CLDN20: variants seen among roughly 807,000 people sequenced by gnomAD.
The protein encoded by CLDN20 is claudin-20.
For missense variants in CLDN20, 258 were observed against 267.9 expected (o/e 0.96, Z 0.26); for synonymous variants, 104 against 103.6 (o/e 1.00, Z -0.03).
chr6:155,272,994 G>C (rs1048528491), intron 1 of CLDN20, among the ~76,000 whole-genome samples: 4 of 152,164 alleles, frequency 2.6e-5, no homozygotes, highest in African/African-American at 9.7e-5. Context: ...GAGAGGGAGA[G>C]AGAAAAGTGA....
intron 1 of CLDN20, among the ~76,000 whole-genome samples, chr6:155,270,015 G>A (rs964651762): frequency 1.1e-4 from 16 of 152,222 alleles, no homozygotes; most frequent in African/African-American, 3.9e-4. Context: ...GCGCTACAGT[G>A]GAAGCAGAAG....
chr6:155,273,508 C>A (rs1162359907), intron 1 of CLDN20, among the ~76,000 whole-genome samples: 1 of 152,226 alleles, frequency 6.6e-6, no homozygotes, highest in Non-Finnish European at 1.5e-5. Flanking sequence ...CTTGCCGAGT[C>A]ATCTGAAGCT....
intron 1 of CLDN20, among the ~76,000 whole-genome samples, chr6:155,269,889 A>G (rs1203297048): frequency 6.6e-6 from 1 of 152,220 alleles, no homozygotes; most frequent in Non-Finnish European, 1.5e-5. Context: ...TTGGGCAAAT[A>G]TTTATTGTAT....
intron 1 of CLDN20, among the ~76,000 whole-genome samples, chr6:155,272,656 T>C (rs1046734081): frequency 1.3e-5 from 2 of 152,096 alleles, no homozygotes; most frequent in African/African-American, 4.8e-5. Context: ...TGCCAGTATA[T>C]TTGTATGAGC....
At chr6:155,275,594 T>G (rs923016914) in intron 1 of CLDN20, 22 bp from the exon 2 acceptor site, 2 of 919,660 alleles carry the variant, frequency 2.2e-6, no homozygotes, top group Non-Finnish European at 3.3e-6. Context: ...CGCTCAATCC[T>G]GGTTTTGCCT....
chr6:155,271,684 T>G (rs921996181), intron 1 of CLDN20, among the ~76,000 whole-genome samples: 1 of 152,166 alleles, frequency 6.6e-6, no homozygotes, highest in Non-Finnish European at 1.5e-5. Flanking sequence ...GGCACGACAT[T>G]GTTAAAAATA....
At chr6:155,265,737 TTA>T (rs1296634779) in intron 1 of CLDN20, among the ~76,000 whole-genome samples, 4 of 140,182 alleles carry the variant, frequency 2.9e-5, no homozygotes, top group African/African-American at 1.1e-4. Flanking sequence ...TAAATATATA[TTA>T]TATATAATAT....
chr6:155,267,660 C>T (rs1784720674), intron 1 of CLDN20, among the ~76,000 whole-genome samples: 2 of 152,112 alleles, frequency 1.3e-5, no homozygotes, highest in Non-Finnish European at 2.9e-5. Context: ...AGCAGCTAGG[C>T]TTATAGAAAG....
chr6:155,269,324 C>CTTT (rs60162262), intron 1 of CLDN20, among the ~76,000 whole-genome samples: 47,774 of 126,872 alleles, frequency 0.38, 9,939 homozygotes, highest in East Asian at 0.64. Flanking sequence ...CTTTTCTTTT[C>CTTT]TTTTTTTTTT....
intron 1 of CLDN20, among the ~76,000 whole-genome samples, chr6:155,271,400 C>A (rs749874203): frequency 6.6e-6 from 1 of 152,050 alleles, no homozygotes. Flanking sequence ...CATAACATTT[C>A]CTGAATCTCT....
intron 1 of CLDN20, among the ~76,000 whole-genome samples, chr6:155,272,439 G>GA (rs748215263): frequency 3.9e-5 from 6 of 152,088 alleles, no homozygotes; most frequent in Middle Eastern, 3.4e-3. Context: ...GGGACCATGA[G>GA]AGAGTTTTCA....
intron 1 of CLDN20, 21 bp from the exon 2 acceptor site, chr6:155,275,594 TG>T: frequency 1.1e-6 from 1 of 919,662 alleles, no homozygotes; most frequent in Non-Finnish European, 1.7e-6. Context: ...CGCTCAATCC[TG>T]GTTTTGCCTT....
rs1785185651 is a variant in CLDN20 at position 155,276,008 on chromosome 6, A to G, written c.289A>G (p.Thr97Ala). 2 of 1,614,188 alleles carry G rather than the reference A, an allele frequency of 1.2e-6. No homozygotes were observed. Among genetic ancestry groups the G allele is most frequent in the Non-Finnish European group, 1.7e-6 (2 of 1,180,042 alleles). Reference sequence around the variant, plus strand: ...TGTTCTGTCTGCTTTGGGGATCTGCACTTCCACAGTAGGAATGAAATGTAC... The same window carrying G: ...TGTTCTGTCTGCTTTGGGGATCTGCGCTTCCACAGTAGGAATGAAATGTAC... Reference protein sequence around the residue: ...ACVLSALGICTSTVGMKCTRL... With the variant: ...ACVLSALGICASTVGMKCTRL... The change falls in exon 2 of 2, where the codon ACT (threonine) becomes GCT (alanine). Residue 97 changes from threonine (T) to alanine (A), a missense_variant. Thr to Ala is a moderately conservative substitution (Grantham distance 58). Coordinates refer to ENST00000367165, the MANE Select transcript of CLDN20 (RefSeq NM_001001346.3).
chr6:155,267,996 ATTTG>A (rs1389503116), intron 1 of CLDN20, among the ~76,000 whole-genome samples: 35 of 152,308 alleles, frequency 2.3e-4, no homozygotes, highest in East Asian at 1.7e-3. Context: ...CCTTCTACAA[ATTTG>A]TTTTCAAAAT....
rs201768355 is a variant in CLDN20 at position 155,275,864 on chromosome 6, G to A, written c.145G>A (p.Gly49Arg). The change falls in exon 2 of 2, where the codon GGG becomes AGG. Residue 49 changes from glycine (G) to arginine (R), a missense_variant. Transcript: ENST00000367165. Reference protein sequence around the residue: ...NIITAIVQLHGLWMDCTWYST... With the variant: ...NIITAIVQLHRLWMDCTWYST... ...CATAACAGCCATTGTACAGCTGCAC[G>A]GGCTCTGGATGGACTGTACGTGGTA... 256 of 1,613,994 alleles carry A rather than the reference G, an allele frequency of 1.6e-4. No individual in the cohort carries two copies. Among genetic ancestry groups the A allele is most frequent in the Admixed American group, 2.0e-4 (12 of 60,004 alleles).
intron 1 of CLDN20, among the ~76,000 whole-genome samples, chr6:155,273,744 T>C (rs1785046653): frequency 6.6e-6 from 1 of 152,166 alleles, no homozygotes; most frequent in Admixed American, 6.5e-5. Context: ...GAGAGAGATC[T>C]GGACGCTGCA....
At chr6:155,270,831 C>G (rs1784885046) in intron 1 of CLDN20, among the ~76,000 whole-genome samples, 1 of 152,208 alleles carries the variant, frequency 6.6e-6, no homozygotes. Flanking sequence ...ACTAATGACA[C>G]TGCTGCGACT....
intron 1 of CLDN20, 66 bp from the exon 2 acceptor site, chr6:155,275,550 C>T: frequency 1.5e-6 from 1 of 670,262 alleles, no homozygotes; most frequent in Admixed American, 2.5e-5. Context: ...GGCTCCTACT[C>T]TAAAGGGAAG....
At chr6:155,267,439 T>C (rs1784708778) in intron 1 of CLDN20, among the ~76,000 whole-genome samples, 1 of 152,254 alleles carries the variant, frequency 6.6e-6, no homozygotes, top group South Asian at 2.1e-4. Flanking sequence ...CTTCAGTATG[T>C]CCAAAGAACA....
Sources: gnomAD v4.1 joint callset for allele counts (sites outside exome capture counted in the v4.1 genomes callset) on GRCh38, gnomAD v4.1.1 for gene constraint, MANE v1.5 for transcripts, NCBI Gene and HGNC (gene_info 2026-07-23, HGNC 2026-07-21) for gene names.